The following EPHA5 variants were observed in gnomAD, a reference collection of about 807,000 sequenced individuals.
EPHA5 encodes EPH receptor A5, also known as ephrin type-A receptor 5.
Under a neutral mutation model 105.0 loss-of-function variants are expected in EPHA5, and 60 were observed. The observed-to-expected ratio is 0.57, with a 90% confidence interval of 0.46 to 0.71. EPHA5 has a LOEUF of 0.71. Among genes scored for constraint, EPHA5 ranks in the 30% least tolerant of loss-of-function variants. The probability of loss-of-function intolerance (pLI) is 0.00; values close to 1 mark genes in which losing one functional copy is unlikely to be tolerated. For synonymous variants in EPHA5, 513 were observed against 449.1 expected (o/e 1.14, Z -1.80); for missense variants, 1,218 against 1,274.7 (o/e 0.96, Z 0.68).
rs1411448430 is a variant in EPHA5, at chr4:65,669,612, A to G, written c.131T>C (p.Leu44Pro). 1.4e-6 allele frequency: 2 copies of G among 1,432,986 alleles called. No individual in the cohort carries two copies. Among genetic ancestry groups the G allele is most frequent in the Non-Finnish European group, 1.8e-6 (2 of 1,087,184 alleles). The allele number at this position is 1,432,986 out of a possible 1,614,324, so 88.8% of individuals were successfully genotyped here. ...GGTCCGGAGTGCGGCGCACAGGAGA[A>G]GGCACGTCCAGAGGGGAGCCCGTCG... ...APRRAPLWTC[L>P]LLCAALRTLL... is the part of the protein sequence containing the mutation. Residue 44 changes from leucine to proline, a missense_variant, in exon 1 of 17, where the codon CTT (leucine) becomes CCT (proline). Physicochemically the swap from Leu to Pro is moderately conservative, Grantham distance 98. This residue lies in a region of EPHA5 where 233 missense variants were observed against 227.5 expected (regional missense o/e 1.02). Transcript: ENST00000613740.
At chr4:65,412,003 C>T (rs535465840) in intron 7 of EPHA5, among the ~76,000 whole-genome samples, 30 of 152,226 alleles carry the variant, frequency 2.0e-4, no homozygotes, top group African/African-American at 5.8e-4. Context: ...CCAAGGCAAG[C>T]AGATCACCTA....
Position 65,331,959 on chromosome 4 carries a change from GA to G in EPHA5, c.2945+13del. The G allele has an allele frequency of 1.9e-6, 3 of 1,568,082 alleles. No homozygotes were observed. The highest frequency in any genetic ancestry group is 2.6e-6 in the Non-Finnish European group (3 of 1,159,098). On this transcript the variant is annotated intron_variant, in intron 16 of 16. Coordinates refer to ENST00000613740, the MANE Select transcript of EPHA5 (RefSeq NM_001281766.3). The stretch of plus-strand genomic sequence containing the variant: ...CCCAGCAATTATGTAAAAATTATCA[GA>G]AAAATTACTCACTCCAAGGTCACCT...
At chr4:65,589,841 C>T (rs1742465612) in intron 3 of EPHA5, among the ~76,000 whole-genome samples, 1 of 152,136 alleles carries the variant, frequency 6.6e-6, no homozygotes, top group South Asian at 2.1e-4. Flanking sequence ...AAAATGAAGG[C>T]TAAGGGAAAC....
intron 3 of EPHA5, among the ~76,000 whole-genome samples, chr4:65,573,038 A>G (rs1380484788): frequency 1.3e-5 from 2 of 152,036 alleles, no homozygotes; most frequent in East Asian, 3.9e-4. Context: ...CTCAAAAAGA[A>G]AAAAAAGAAT....
intron 4 of EPHA5, 53 bp from the exon 5 acceptor site, chr4:65,490,765 G>T: frequency 6.5e-7 from 1 of 1,537,566 alleles, no homozygotes; most frequent in African/African-American, 1.4e-5. Flanking sequence ...TATTAATTAG[G>T]CATTATTTAT....
At chr4:65,597,932 T>C (rs1743344983) in intron 3 of EPHA5, among the ~76,000 whole-genome samples, 1 of 152,162 alleles carries the variant, frequency 6.6e-6, no homozygotes, top group Admixed American at 6.5e-5. Context: ...AAAGGCCATG[T>C]GTCAACTCCA....
At chr4:65,374,245 T>A (rs986206456) in intron 8 of EPHA5, among the ~76,000 whole-genome samples, 2 of 151,940 alleles carry the variant, frequency 1.3e-5, no homozygotes, top group African/African-American at 2.4e-5. Context: ...CGTCTGAGTT[T>A]CATTCAGAAA....
intron 2 of EPHA5, among the ~76,000 whole-genome samples, chr4:65,614,639 G>GTCA (rs1745064300): frequency 6.6e-6 from 1 of 151,746 alleles, no homozygotes; most frequent in African/African-American, 2.4e-5. Context: ...GCTAAATATA[G>GTCA]GCTAATGCTT....
At chr4:65,418,366 T>C (rs543104002) in intron 6 of EPHA5, among the ~76,000 whole-genome samples, 1 of 152,264 alleles carries the variant, frequency 6.6e-6, no homozygotes, top group Non-Finnish European at 1.5e-5. Flanking sequence ...GCAATGCTGT[T>C]TGTTACTAGT....
rs140096915 is a variant in EPHA5, at chr4:65,527,822, T to C, written c.911-32279A>G. Among the ~76,000 whole-genome samples, 177 of 152,200 alleles carry C rather than the reference T, an allele frequency of 1.2e-3. 1 individual carries two copies. The highest frequency in any genetic ancestry group is 4.2e-3 in the African/African-American group (175 of 41,540). On this transcript the variant is annotated intron_variant, in intron 3 of 16. Coordinates refer to ENST00000613740, the MANE Select transcript of EPHA5 (RefSeq NM_001281766.3). ...AAGCCCGGTGTCCACTAATTGTTTT[T>C]CCTGATTCTCTCCCTCCTCCCATTC...
At chr4:65,469,825 TG>T (rs1249623395) in intron 5 of EPHA5, among the ~76,000 whole-genome samples, 1 of 152,212 alleles carries the variant, frequency 6.6e-6, no homozygotes, top group Non-Finnish European at 1.5e-5. Context: ...AATTTTAAGA[TG>T]AATCTGGATT....
chr4:65,469,877 G>A (rs1266711806), intron 5 of EPHA5, among the ~76,000 whole-genome samples: 1 of 151,992 alleles, frequency 6.6e-6, no homozygotes, highest in Non-Finnish European at 1.5e-5. Context: ...GAAAAAACAT[G>A]TATACACTAC....
At chr4:65,463,943 T>A (rs1728361684) in intron 5 of EPHA5, among the ~76,000 whole-genome samples, 1 of 152,012 alleles carries the variant, frequency 6.6e-6, no homozygotes, top group South Asian at 2.1e-4. Flanking sequence ...TCTTAAAATC[T>A]ATCTAAAAAT....
chr4:65,508,257 T>A (rs1439181355), intron 3 of EPHA5, among the ~76,000 whole-genome samples: 1 of 152,130 alleles, frequency 6.6e-6, no homozygotes, highest in East Asian at 1.9e-4. Flanking sequence ...TAGACTCAAG[T>A]AGTGAGATCT....
intron 2 of EPHA5, among the ~76,000 whole-genome samples, chr4:65,607,216 C>A (rs1235704153): frequency 1.3e-5 from 2 of 151,846 alleles, no homozygotes; most frequent in Non-Finnish European, 2.9e-5. Context: ...TACCTAAAAC[C>A]ATAAAAACCC....
At chr4:65,386,866 T>G (rs1720144592) in intron 8 of EPHA5, among the ~76,000 whole-genome samples, 1 of 151,836 alleles carries the variant, frequency 6.6e-6, no homozygotes, top group Non-Finnish European at 1.5e-5. Context: ...AAATAAGAAT[T>G]AAGAAATGCC....
chr4:65,452,625 T>C (rs1578147484), intron 5 of EPHA5, among the ~76,000 whole-genome samples: 1 of 150,388 alleles, frequency 6.6e-6, no homozygotes, highest in East Asian at 1.9e-4. Flanking sequence ...TTGGAATGCA[T>C]AAATTAAAAA....
chr4:65,493,008 C>A, intron 4 of EPHA5, among the ~76,000 whole-genome samples: 1 of 148,260 alleles, frequency 6.7e-6, no homozygotes, highest in Non-Finnish European at 1.5e-5. Flanking sequence ...TTAATTTCTG[C>A]CAACTGAAAA....
chr4:65,669,325 G>T, intron 1 of EPHA5: 1 of 910,404 alleles, frequency 1.1e-6, no homozygotes, highest in Non-Finnish European at 1.3e-6. Context: ...CCCCCAACCA[G>T]CCTCTGTCCA....
Sources: gnomAD v4.1 joint callset for allele counts (sites outside exome capture counted in the v4.1 genomes callset) on GRCh38, gnomAD v4.1.1 for gene constraint, gnomAD v4.1.1 regional missense constraint, MANE v1.5 for transcripts, NCBI Gene and HGNC (gene_info 2026-07-23, HGNC 2026-07-21) for gene names.